THSD4: variants seen among roughly 807,000 people sequenced by gnomAD.
THSD4 encodes thrombospondin type 1 domain containing 4.
Under a neutral mutation model 119.0 loss-of-function variants are expected in THSD4, and 69 were observed. The observed-to-expected ratio is 0.58, with a 90% CI of 0.48 to 0.71. The LOEUF is 0.71. Among genes scored for constraint, THSD4 ranks in the 30% least tolerant of loss-of-function variants. The probability of loss-of-function intolerance (pLI) is 0.00; values close to 1 mark genes in which losing one functional copy is unlikely to be tolerated. For synonymous variants in THSD4, 524 were observed against 540.4 expected (o/e 0.97, Z 0.42); for missense variants, 1,393 against 1,391.1 (o/e 1.00, Z -0.02).
Position 71,115,521 on chromosome 15 carries a change from G to C in THSD4, c.-257G>C, listed in dbSNP as rs2040350646. On this transcript the variant is annotated 5_prime_UTR_variant, in exon 1 of 18. Transcript: ENST00000261862. This position sits in a 1 kb window ranked among gnomAD's most constrained non-coding sequence, Gnocchi z 4.4. ...CGCGCGCCTGAACCGCTGGCCGCCCGCGCAGCCCGACGCGGAATCGGGGCA... is the reference window on the plus strand; with the variant it reads ...CGCGCGCCTGAACCGCTGGCCGCCCCCGCAGCCCGACGCGGAATCGGGGCA... 2 of 151,564 alleles carry C rather than the reference G, an allele frequency of 1.3e-5. No individual in the cohort carries two copies. Among genetic ancestry groups the C allele is most frequent in the Admixed American group, 1.3e-4 (2 of 15,228 alleles). The allele number at this position is 151,564 out of a possible 1,614,324, so 9.4% of individuals were successfully genotyped here. A position where few individuals can be genotyped will look rare whatever the true frequency, so the allele number is the denominator to read the frequency against.
chr15:71,198,282 C>G (rs2043737129), intron 3 of THSD4, among the ~76,000 whole-genome samples: 1 of 151,778 alleles, frequency 6.6e-6, no homozygotes, highest in South Asian at 2.1e-4. Flanking sequence ...AAAAAAAGGG[C>G]TGGAGAATGC....
At chr15:71,547,987 A>G (rs551334923) in intron 7 of THSD4, among the ~76,000 whole-genome samples, 2 of 152,220 alleles carry the variant, frequency 1.3e-5, no homozygotes, top group East Asian at 3.9e-4. Context: ...GGAGAATGAT[A>G]TACAACAGGG....
At chr15:71,486,623 T>G (rs200390761) in intron 7 of THSD4, among the ~76,000 whole-genome samples, 6,495 of 137,510 alleles carry the variant, frequency 0.047, 266 homozygotes, top group African/African-American at 0.12. Flanking sequence ...TTTTTTTTTT[T>G]TTTTTTTTTT....
chr15:71,468,568 A>G (rs2047531629), intron 7 of THSD4, among the ~76,000 whole-genome samples: 1 of 152,346 alleles, frequency 6.6e-6, no homozygotes, highest in Middle Eastern at 3.4e-3. Context: ...CATTAGTTTT[A>G]GCTATAAGAG....
At chr15:71,565,598 C>G (rs1470782524) in intron 7 of THSD4, among the ~76,000 whole-genome samples, 1 of 152,184 alleles carries the variant, frequency 6.6e-6, no homozygotes, top group Admixed American at 6.5e-5. Flanking sequence ...AAGTAAAAGA[C>G]TTTAGCAGGC....
intron 7 of THSD4, among the ~76,000 whole-genome samples, chr15:71,652,688 T>G (rs1237018144): frequency 6.6e-6 from 1 of 152,184 alleles, no homozygotes; most frequent in African/African-American, 2.4e-5. Context: ...CCCAGTTTTA[T>G]CCTACAAGAG....
chr15:71,151,601 C>T (rs1381415909), intron 2 of THSD4, among the ~76,000 whole-genome samples: 1 of 152,126 alleles, frequency 6.6e-6, no homozygotes, highest in Non-Finnish European at 1.5e-5. Flanking sequence ...AACCATGGAG[C>T]ATGGACTTGT....
At chr15:71,344,836 G>T (rs982623998) in intron 6 of THSD4, among the ~76,000 whole-genome samples, 1 of 152,074 alleles carries the variant, frequency 6.6e-6, no homozygotes, top group African/African-American at 2.4e-5. Flanking sequence ...CTTTGGGGCC[G>T]TGGGAAGGAT....
chr15:71,227,869 T>G (rs1469070322), intron 4 of THSD4, among the ~76,000 whole-genome samples: 1 of 152,216 alleles, frequency 6.6e-6, no homozygotes, highest in Non-Finnish European at 1.5e-5. Context: ...CTCACATCCC[T>G]CAAGGGTTTT....
rs748448964 is a variant in THSD4, at chr15:71,757,977, C to G, written c.2491C>G (p.Leu831Val). Reference protein sequence around the residue: ...CMTNHVSSLPLEGCGNNRPAE... With the variant: ...CMTNHVSSLPVEGCGNNRPAE... Reference sequence around the variant, plus strand: ...GACCAACCATGTCAGCAGCCTGCCCCTGGAGGGCTGTGGGAACAACCGGCC... The same window carrying G: ...GACCAACCATGTCAGCAGCCTGCCCGTGGAGGGCTGTGGGAACAACCGGCC... The change falls in exon 15 of 18, where the codon CTG becomes GTG. Residue 831 changes from leucine (L) to valine (V), a missense_variant. Transcript: ENST00000261862. 1 of 1,614,166 alleles carries G rather than the reference C, an allele frequency of 6.2e-7. No homozygotes were observed. Among genetic ancestry groups the G allele is most frequent in the African/African-American group, 1.3e-5 (1 of 75,064 alleles).
intron 3 of THSD4, among the ~76,000 whole-genome samples, chr15:71,194,397 C>T (rs1482645796): frequency 6.6e-6 from 1 of 152,210 alleles, no homozygotes; most frequent in Non-Finnish European, 1.5e-5. Context: ...GCCCAGCCCA[C>T]TCAAGTCCTT....
At chr15:71,660,816 A>G in intron 8 of THSD4, 82 bp downstream of exon 8, 4 of 1,481,026 alleles carry the variant, frequency 2.7e-6, no homozygotes, top group Non-Finnish European at 3.7e-6. Context: ...TAGACACAGC[A>G]GTGTCCGAGA....
At chr15:71,440,485 C>T (rs2047074635) in intron 7 of THSD4, among the ~76,000 whole-genome samples, 1 of 152,148 alleles carries the variant, frequency 6.6e-6, no homozygotes, top group Non-Finnish European at 1.5e-5. Flanking sequence ...GAAAGATAAA[C>T]TCTTTCTATT....
At chr15:71,422,036 A>G (rs963307470) in intron 7 of THSD4, among the ~76,000 whole-genome samples, 1 of 152,208 alleles carries the variant, frequency 6.6e-6, no homozygotes, top group African/African-American at 2.4e-5. Context: ...TGTATCTGAT[A>G]GATTTCTGAA....
chr15:71,181,653 T>G (rs2043529728), intron 3 of THSD4, among the ~76,000 whole-genome samples: 1 of 152,250 alleles, frequency 6.6e-6, no homozygotes, highest in Non-Finnish European at 1.5e-5. Context: ...CTCTTTGCCA[T>G]CCCCAGCTTT....
chr15:71,553,326 CTTT>C (rs11288031), intron 7 of THSD4, among the ~76,000 whole-genome samples: 6 of 133,478 alleles, frequency 4.5e-5, no homozygotes, highest in Non-Finnish European at 4.8e-5. Context: ...TTCTACTAGA[CTTT>C]TTTTTTTTTT....
intron 3 of THSD4, among the ~76,000 whole-genome samples, chr15:71,212,376 C>T (rs1288524613): frequency 6.6e-6 from 1 of 152,088 alleles, no homozygotes; most frequent in East Asian, 1.9e-4. Context: ...GTTTTCTTCC[C>T]CCAGGGACCT....
At chr15:71,374,598 G>A (rs991877054) in intron 6 of THSD4, among the ~76,000 whole-genome samples, 2 of 152,088 alleles carry the variant, frequency 1.3e-5, no homozygotes, top group African/African-American at 4.8e-5. Flanking sequence ...CAGAGCTCTG[G>A]GTCTCCCTCC....
intron 6 of THSD4, among the ~76,000 whole-genome samples, chr15:71,263,707 T>C (rs1445076419): frequency 1.3e-5 from 2 of 152,218 alleles, no homozygotes; most frequent in Non-Finnish European, 2.9e-5. Context: ...TTCTTAAAGC[T>C]TCAATTAGAA....
Sources: allele counts gnomAD v4.1 joint callset (sites outside exome capture counted in the v4.1 genomes callset), GRCh38; gene constraint gnomAD v4.1.1; non-coding constraint Gnocchi (gnomAD v3.1); transcripts MANE v1.5; gene names NCBI Gene and HGNC (gene_info 2026-07-23, HGNC 2026-07-21).